Variants in TUBB8 observed in about 807,000 individuals in gnomAD.
The protein encoded by TUBB8 is tubulin beta 8 class VIII.
In TUBB8, 25 loss-of-function variants were observed where a neutral mutation model predicts 33.7. The ratio of observed to expected loss-of-function variants is 0.74; its 90% CI spans 0.54 to 1.04. The LOEUF (loss-of-function observed/expected upper bound fraction) is 1.04. Ranked by LOEUF, TUBB8 falls within the 50% of genes least tolerant of loss-of-function variation. TUBB8 has a pLI of 0.00. For missense variants in TUBB8, 279 were observed against 608.0 expected (o/e 0.46, Z 5.69); for synonymous variants, 245 against 240.1 (o/e 1.02, Z -0.19).
intron 3 of TUBB8, 122 bp downstream of exon 3, chr10:48,493 G>A (rs1249424228): frequency 1.2e-5 from 11 of 952,000 alleles, no homozygotes; most frequent in Non-Finnish European, 1.8e-5. Flanking sequence ...ACTCGACTCG[G>A]AGGATAGGAG....
Position 48,837 on chromosome 10 carries a change from C to G in TUBB8, c.133G>C (p.Glu45Gln). The G allele has an allele frequency of 1.9e-6, 3 of 1,604,432 alleles. No individual in the cohort carries two copies. The highest frequency in any genetic ancestry group is 2.6e-6 in the Non-Finnish European group (3 of 1,176,260). The change falls in exon 2 of 4, where the codon GAG (glutamate) becomes CAG (glutamine). Residue 45 changes from glutamate (E) to glutamine (Q), a missense_variant. By Grantham distance (29) the Glu-to-Gln change is conservative. Around this residue, in one of 4 missense-constraint regions of TUBB8, gnomAD observed 56 missense variants for 77.9 expected, o/e 0.72. Coordinates refer to ENST00000568584, the MANE Select transcript of TUBB8 (RefSeq NM_177987.3). ...TYHGDSHLQLERINVYYNEAS... is the reference protein window; with the variant it reads ...TYHGDSHLQLQRINVYYNEAS... ...TCGTTGTAGTACACGTTGATGCGCT[C>G]CAGCTGCAGGTGGCTGTCCCCGTGG... is the stretch of plus-strand genomic sequence containing the variant.
chr10:54,151 T>C (rs1394455779), upstream of TUBB8, among the ~76,000 whole-genome samples: 1 of 152,258 alleles, frequency 6.6e-6, no homozygotes, highest in Non-Finnish European at 1.5e-5. Flanking sequence ...CTAACAATTT[T>C]TTGTACCCAT....
At chr10:68,577 A>G (rs1554741939) in intron 1 of TUBB8, among the ~76,000 whole-genome samples, 1 of 152,178 alleles carries the variant, frequency 6.6e-6, no homozygotes, top group East Asian at 1.9e-4. Context: ...CTTTACTGAC[A>G]TGGTATTACT....
chr10:55,281 A>C (rs535956548), intron 1 of TUBB8, among the ~76,000 whole-genome samples: 1 of 152,348 alleles, frequency 6.6e-6, no homozygotes, highest in Non-Finnish European at 1.5e-5. Context: ...GGAGGGAACC[A>C]ACCCCATGAT....
intron 1 of TUBB8, among the ~76,000 whole-genome samples, chr10:70,236 T>C (rs1192222972): frequency 2.0e-5 from 3 of 150,906 alleles, no homozygotes; most frequent in Admixed American, 1.3e-4. Flanking sequence ...CAAGATAAAC[T>C]AATAAGTATA....
rs782336348 is a variant in TUBB8 at position 47,796 on chromosome 10, G to A, written c.596C>T (p.Thr199Ile). 3 of 1,614,202 alleles carry A rather than the reference G, an allele frequency of 1.9e-6. No homozygotes were observed. Among genetic ancestry groups the A allele is most frequent in the Non-Finnish European group, 2.5e-6 (3 of 1,180,048 alleles). ...CAGAGCTTCGTTATCTATGCAAAAG[G>A]TCTCATCTGCGTTTTCTATGAGCTG... ...VHQLIENADE[T>I]FCIDNEALYD... Residue 199 changes from threonine to isoleucine, a missense_variant, in exon 4 of 4, where the codon ACC becomes ATC. Physicochemically the swap from Thr to Ile is moderately conservative, Grantham distance 89. This residue lies in a region of TUBB8 where 96 missense variants were observed against 233.7 expected (regional missense o/e 0.41). Transcript: ENST00000568584.
At chr10:49,354 C>G (rs560492404), upstream of TUBB8, 134 of 1,040,314 alleles carry the variant, frequency 1.3e-4, no homozygotes, top group African/African-American at 1.9e-3. Context: ...CCCTCCGCCT[C>G]GGATTCGGCT....
chr10:68,190 T>C (rs1368142959), intron 1 of TUBB8, among the ~76,000 whole-genome samples: 7 of 152,224 alleles, frequency 4.6e-5, no homozygotes, highest in Non-Finnish European at 8.8e-5. Flanking sequence ...AATACTGATA[T>C]GACACCCACA....
chr10:66,007 A>C (rs1469384447), intron 1 of TUBB8, among the ~76,000 whole-genome samples: 1 of 152,252 alleles, frequency 6.6e-6, no homozygotes, highest in Non-Finnish European at 1.5e-5. Context: ...AATTTTCTAA[A>C]CACCACAATC....
At chr10:48,474 G>A in intron 3 of TUBB8, 141 bp downstream of exon 3, 1 of 820,002 alleles carries the variant, frequency 1.2e-6, no homozygotes, top group South Asian at 1.5e-5. Flanking sequence ...AGGAGAGGCA[G>A]ATTGAGCGAC....
rs560614954 is a variant in TUBB8 at position 49,264 on chromosome 10, G to A, written c.-26C>T. On this transcript the variant is annotated 5_prime_UTR_variant, in exon 1 of 4. Coordinates refer to ENST00000568584, the MANE Select transcript of TUBB8 (RefSeq NM_177987.3). ...GGCCAAGGCGGGATTAGGACGGCAG[G>A]AGAAACGTGAGAAGGAGGAGCAGAC... 71 of 1,573,436 alleles carry A rather than the reference G, an allele frequency of 4.5e-5. 3 individuals carry two copies. The highest frequency in any genetic ancestry group is 4.2e-4 in the Middle Eastern group (2 of 4,714).
upstream of TUBB8, among the ~76,000 whole-genome samples, chr10:50,854 C>T (rs1205527875): frequency 2.0e-5 from 3 of 152,214 alleles, no homozygotes; most frequent in Non-Finnish European, 4.4e-5. Flanking sequence ...TTTAGCCCTC[C>T]TGTTTTCCTG....
intron 1 of TUBB8, among the ~76,000 whole-genome samples, chr10:67,929 C>A (rs1309202501): frequency 6.6e-6 from 1 of 152,202 alleles, no homozygotes; most frequent in Non-Finnish European, 1.5e-5. Context: ...GCAAGTACAA[C>A]CAGTTAACTT....
rs869025609 is a variant in TUBB8, at chr10:47,865, G to A, written c.527C>T (p.Ser176Leu). The change falls in exon 4 of 4, where the codon TCG becomes TTG. Residue 176 changes from serine to leucine, a missense_variant. By Grantham distance (145) the Ser-to-Leu change is moderately radical. Transcript: ENST00000568584. ...TFSILPSPKV[S>L]DTVVEPYNAT... is the part of the protein sequence containing the mutation. ...GTTGTAGGGCTCCACCACGGTGTCC[G>A]ACACCTTGGGCGAGGGCAGGATGCT... is the stretch of plus-strand genomic sequence containing the variant. The A allele has an allele frequency of 6.2e-7, 1 of 1,614,224 alleles. No individual in the cohort carries two copies. The highest frequency in any genetic ancestry group is 8.5e-7 in the Non-Finnish European group (1 of 1,180,034).
chr10:47,447 G>A lies in TUBB8; in HGVS notation c.945C>T (p.Ala315=), dbSNP rs141826009. 115 of 1,610,998 alleles carry A rather than the reference G, an allele frequency of 7.1e-5. No homozygotes were observed. The African/African-American group carries it at 1.1e-3, about 16-fold the overall frequency. Residue 315 remains alanine (A), a synonymous_variant, in exon 4 of 4, where the codon GCC becomes GCT. Transcript: ENST00000568584. ...PRHGRYLTAA[A]IFRGRMPMRE... The stretch of plus-strand genomic sequence containing the variant: ...TCATGGGCATGCGACCCCTGAAAAT[G>A]GCAGCCGCCGTTAGGTAGCGGCCGT...
Position 48,655 on chromosome 10 carries a change from C to T in TUBB8, c.237G>A (p.Gly79=), listed in dbSNP as rs781931730. The change falls in exon 3 of 4, where the codon GGG becomes GGA. Residue 79 remains glycine, a synonymous_variant. Transcript: ENST00000568584. ...EPGTMDSVRS[G]PFGQVFRPDN... ...CTGGCCTGAAGACCTGCCCGAAGGG[C>T]CCCGAGCGCACAGAGTCCATGGTGC... is the stretch of plus-strand genomic sequence containing the variant. The T allele has an allele frequency of 1.9e-6, 3 of 1,612,108 alleles. No individual in the cohort carries two copies. The highest frequency in any genetic ancestry group is 2.2e-5 in the South Asian group (2 of 91,000).
At chr10:50,440 T>C (rs1834452459), upstream of TUBB8, among the ~76,000 whole-genome samples, 1 of 152,228 alleles carries the variant, frequency 6.6e-6, no homozygotes, top group Non-Finnish European at 1.5e-5. Context: ...CTATGTATGC[T>C]GACCAGCACG....
chr10:71,911 T>TAA (rs532105627), intron 1 of TUBB8, among the ~76,000 whole-genome samples: 8 of 138,746 alleles, frequency 5.8e-5, no homozygotes, highest in African/African-American at 2.1e-4. Flanking sequence ...CCTTCTCTCT[T>TAA]AAAAAAAAAA....
At chr10:52,392 A>G, upstream of TUBB8, among the ~76,000 whole-genome samples, 1 of 152,222 alleles carries the variant, frequency 6.6e-6, no homozygotes, top group South Asian at 2.1e-4. Context: ...ACAAAGTAGG[A>G]TTCTTAGATC....
Sources: gnomAD v4.1 joint callset for allele counts (sites outside exome capture counted in the v4.1 genomes callset) on GRCh38, gnomAD v4.1.1 for gene constraint, gnomAD v4.1.1 regional missense constraint, MANE v1.5 for transcripts, NCBI Gene and HGNC (gene_info 2026-07-23, HGNC 2026-07-21) for gene names.